ZBTB38: variants seen among roughly 807,000 people sequenced by gnomAD.
ZBTB38 encodes the protein zinc finger and BTB domain-containing protein 38.
Under a neutral mutation model 76.8 loss-of-function variants are expected in ZBTB38, and 20 were observed. The observed-to-expected ratio is 0.26, with a 90% CI of 0.18 to 0.38. ZBTB38 has a LOEUF of 0.38. Among genes scored for constraint, ZBTB38 ranks in the 10% least tolerant of loss-of-function variants. ZBTB38 has a pLI of 1.00. For missense variants in ZBTB38, 1,082 were observed against 1,482.3 expected (o/e 0.73, Z 4.43); for synonymous variants, 504 against 544.2 (o/e 0.93, Z 1.03).
At chr3:141,372,614 A>G (rs1427215083) in intron 2 of ZBTB38, among the ~76,000 whole-genome samples, 1 of 151,480 alleles carries the variant, frequency 6.6e-6, no homozygotes, top group Admixed American at 6.6e-5. Context: ...ATCACACCAC[A>G]GGACTCCGGC....
intron 1 of ZBTB38, among the ~76,000 whole-genome samples, chr3:141,362,335 T>G (rs903049332): frequency 2.0e-5 from 3 of 151,944 alleles, no homozygotes; most frequent in African/African-American, 4.8e-5. Flanking sequence ...CCCAAATGAG[T>G]GAGGATGGGC....
rs530121452 is a variant in ZBTB38 at position 141,401,041 on chromosome 3, CAG to C, written c.-105-2883_-105-2882del. ...TTCTTGGAGGTCTTTGAGTAATTTT[CAG>C]AGTTTCCAAAAGTTTCAGTGGAAAC... On this transcript the variant is annotated intron_variant, in intron 4 of 5. Coordinates refer to ENST00000321464, the MANE Select transcript of ZBTB38 (RefSeq NM_001376113.1). Among the ~76,000 whole-genome samples, 183 of 152,322 alleles carry C rather than the reference CAG, an allele frequency of 1.2e-3. 1 individual carries two copies. The highest frequency in any genetic ancestry group is 4.3e-3 in the African/African-American group (177 of 41,566).
rs551282824 is a variant in ZBTB38 at position 141,358,938 on chromosome 3, G to C, written c.-738-9683G>C. On this transcript the variant is annotated intron_variant, in intron 1 of 7. Coordinates refer to the ZBTB38 transcript ENST00000509842. ...TTTAGAGAGAAGGGACTGGATTCAG[G>C]ATGGTGGATTGGGGCTGGGCGACCA... 3.3e-5 allele frequency among the ~76,000 whole-genome samples: 5 copies of C among 152,336 alleles called. No individual in the cohort carries two copies. The East Asian group carries it at 9.6e-4, about 29-fold the overall frequency.
chr3:141,339,805 A>T (rs77961354), intron 1 of ZBTB38, among the ~76,000 whole-genome samples: 5,188 of 152,270 alleles, frequency 0.034, 202 homozygotes, highest in African/African-American at 0.098. Context: ...TGCAGATAGA[A>T]GTGTTGAATC....
intron 1 of ZBTB38, among the ~76,000 whole-genome samples, chr3:141,336,558 A>C (rs1943021200): frequency 6.6e-6 from 1 of 152,110 alleles, no homozygotes; most frequent in Admixed American, 6.5e-5. Flanking sequence ...TGTGTTGGCC[A>C]GGGTGGTCTT....
At chr3:141,420,131 A>T (rs910728197) in intron 5 of ZBTB38, among the ~76,000 whole-genome samples, 1 of 152,142 alleles carries the variant, frequency 6.6e-6, no homozygotes. Context: ...GTAAGCGGAT[A>T]TGGGCACTGA....
chr3:141,361,949 G>T (rs1382512301), intron 1 of ZBTB38, among the ~76,000 whole-genome samples: 1 of 152,146 alleles, frequency 6.6e-6, no homozygotes, highest in Admixed American at 6.5e-5. Context: ...AACCACAATA[G>T]AAAATATGTT....
chr3:141,382,169 C>T (rs1308937506), intron 3 of ZBTB38, among the ~76,000 whole-genome samples: 3 of 152,142 alleles, frequency 2.0e-5, no homozygotes, highest in Non-Finnish European at 2.9e-5. Flanking sequence ...GCGGGAGAAT[C>T]GACTGAGAGT....
At chr3:141,400,206 G>GAAA (rs535058714) in intron 4 of ZBTB38, among the ~76,000 whole-genome samples, 1 of 152,128 alleles carries the variant, frequency 6.6e-6, no homozygotes, top group Non-Finnish European at 1.5e-5. Flanking sequence ...AGGAAGGATG[G>GAAA]AAAATTTTGA....
chr3:141,442,376 C>A lies in ZBTB38; in HGVS notation c.1-13C>A. ...TGGAAGATTATCTGACCATTTCTCT[C>A]CTCTTGTTTCAGATGACAGTCATGT... On this transcript the variant is annotated splice_polypyrimidine_tract_variant and intron_variant, in intron 5 of 5. Transcript: ENST00000321464. The surrounding 1 kb of genome is among the most constrained non-coding windows in gnomAD (Gnocchi z 6.4). 6.3e-7 allele frequency: 1 copy of A among 1,589,736 alleles called. No homozygotes were observed. The highest frequency in any genetic ancestry group is 1.1e-5 in the South Asian group (1 of 89,594).
intron 5 of ZBTB38, among the ~76,000 whole-genome samples, chr3:141,437,925 T>A (rs991540332): frequency 1.3e-5 from 2 of 152,326 alleles, no homozygotes; most frequent in Middle Eastern, 3.4e-3. Flanking sequence ...TTATTTATTT[T>A]TTTTGAGATG....
intron 5 of ZBTB38, among the ~76,000 whole-genome samples, chr3:141,423,501 A>G (rs1158222606): frequency 6.6e-6 from 1 of 152,210 alleles, no homozygotes; most frequent in Non-Finnish European, 1.5e-5. Flanking sequence ...ACATGTGCAT[A>G]CAGCCAGCAA....
rs553206810 is a variant in ZBTB38, at chr3:141,413,641, T to G, written c.-1+9610T>G. Among the ~76,000 whole-genome samples the G allele has an allele frequency of 6.6e-6, 1 of 152,268 alleles. No homozygotes were observed. Among genetic ancestry groups the G allele is most frequent in the African/African-American group, 2.4e-5 (1 of 41,534 alleles). ...GATACCGGAACCGATAAAAACTCAG[T>G]GAGTGTTGCTTCCCCCGTTACACAC... On this transcript the variant is annotated intron_variant, in intron 5 of 5. Coordinates refer to ENST00000321464, the MANE Select transcript of ZBTB38 (RefSeq NM_001376113.1). This position sits in a 1 kb window ranked among gnomAD's most constrained non-coding sequence, Gnocchi z 4.1.
rs1383621244 is a variant in ZBTB38 at position 141,448,539 on chromosome 3, T to C, written c.*2563T>C. The C allele has an allele frequency of 6.6e-6, 1 of 152,584 alleles. No individual in the cohort carries two copies. The highest frequency in any genetic ancestry group is 1.5e-5 in the Non-Finnish European group (1 of 68,026). The allele number at this position is 152,584 out of a possible 1,614,324, so 9.5% of individuals were successfully genotyped here. On this transcript the variant is annotated 3_prime_UTR_variant, in exon 6 of 6. Coordinates refer to ENST00000321464, the MANE Select transcript of ZBTB38 (RefSeq NM_001376113.1). ...AAGTAAGTGTAAACAGTGAACATAC[T>C]GTATGCTGTACAAGATATAATGTAA...
At chr3:141,390,595 A>G (rs916105397) in intron 4 of ZBTB38, among the ~76,000 whole-genome samples, 1 of 152,118 alleles carries the variant, frequency 6.6e-6, no homozygotes, top group Non-Finnish European at 1.5e-5. Context: ...GAATCTAGAA[A>G]GAGATCTAGC....
chr3:141,434,428 G>C, intron 5 of ZBTB38, among the ~76,000 whole-genome samples: 1 of 152,072 alleles, frequency 6.6e-6, no homozygotes, highest in South Asian at 2.1e-4. Flanking sequence ...GTAGGGAGTG[G>C]GGAGGCTAGG....
chr3:141,404,511 C>T (rs75337224), intron 5 of ZBTB38, among the ~76,000 whole-genome samples: 9 of 152,124 alleles, frequency 5.9e-5, no homozygotes, highest in African/African-American at 1.7e-4. Context: ...AGACCATCCC[C>T]GGGACACTTG....
intron 1 of ZBTB38, among the ~76,000 whole-genome samples, chr3:141,343,844 T>C (rs1009415153): frequency 6.6e-6 from 1 of 152,228 alleles, no homozygotes; most frequent in Non-Finnish European, 1.5e-5. Context: ...CCTTTGTCTT[T>C]GTGCCCCAGA....
chr3:141,446,032 A>C lies in ZBTB38; in HGVS notation c.*56A>C. 2 of 1,438,738 alleles carry C rather than the reference A, an allele frequency of 1.4e-6. No homozygotes were observed. The highest frequency in any genetic ancestry group is 1.4e-5 in the African/African-American group (1 of 70,638). 89.1% of individuals were successfully genotyped at this position (1,438,738 alleles called of 1,614,324 possible). The stretch of plus-strand genomic sequence containing the variant: ...ATAGTTGGTGGTTTTTTTAGTTATG[A>C]TTTAAGTTTAGTTTCATTTTGTCCA... On this transcript the variant is annotated 3_prime_UTR_variant, in exon 6 of 6. Transcript: ENST00000321464.
Sources: gnomAD v4.1 joint callset for allele counts (sites outside exome capture counted in the v4.1 genomes callset) on GRCh38, gnomAD v4.1.1 for gene constraint, Gnocchi (gnomAD v3.1) non-coding constraint, MANE v1.5 for transcripts, NCBI Gene and HGNC (gene_info 2026-07-23, HGNC 2026-07-21) for gene names.